Variants in CERK observed in about 807,000 individuals in gnomAD.
CERK encodes the protein ceramide kinase.
CERK carries 39 observed loss-of-function variants against 63.4 expected under a neutral mutation model. The observed-to-expected ratio is 0.61, with a 90% confidence interval of 0.48 to 0.80. The LOEUF (loss-of-function observed/expected upper bound fraction) is 0.80, where lower values mean the gene tolerates loss of function less well. CERK is among the 30% of genes least tolerant of loss of function. The probability of loss-of-function intolerance (pLI) is 0.00; values close to 1 mark genes in which losing one functional copy is unlikely to be tolerated. For synonymous variants in CERK, 302 were observed against 280.0 expected (o/e 1.08, Z -0.78); for missense variants, 670 against 714.1 (o/e 0.94, Z 0.70).
chr22:46,738,230 CCGGGCGG>C lies in CERK; in HGVS notation c.-89_-83del, dbSNP rs1051839122. ...GACCGTTAGCGGCCCCTGCAGTGGCCCGGGCGGCGGGCGGCGGGCGGCGGGAGGCGGC... is the reference window on the plus strand; with the variant it reads ...GACCGTTAGCGGCCCCTGCAGTGGCCCGGGCGGCGGGCGGCGGGAGGCGGC... On this transcript the variant is annotated 5_prime_UTR_variant, in exon 1 of 13. Transcript: ENST00000216264. 77 of 513,532 alleles carry C rather than the reference CCGGGCGG, an allele frequency of 1.5e-4. 1 individual carries two copies. The Middle Eastern group carries it at 2.7e-3, about 18-fold the overall frequency. The allele number at this position is 513,532 out of a possible 1,614,324, so 31.8% of individuals were successfully genotyped here.
Position 46,713,945 on chromosome 22 carries a change from G to A in CERK, c.380-1652C>T, listed in dbSNP as rs137964723. 4.4e-3 allele frequency among the ~76,000 whole-genome samples: 669 copies of A among 152,142 alleles called. 5 individuals are homozygous for A. The highest frequency in any genetic ancestry group is 0.014 in the African/African-American group (591 of 41,496). On this transcript the variant is annotated intron_variant, in intron 3 of 12. Coordinates refer to ENST00000216264, the MANE Select transcript of CERK (RefSeq NM_022766.6). ...ACAGGAGTTCAAGACCAGCCAGGGCGATATAGTGAGACTCTGTCTCGACAA... is the reference window on the plus strand; with the variant it reads ...ACAGGAGTTCAAGACCAGCCAGGGCAATATAGTGAGACTCTGTCTCGACAA...
chr22:46,708,567 G>A (rs1326255754), intron 5 of CERK, among the ~76,000 whole-genome samples: 1 of 152,230 alleles, frequency 6.6e-6, no homozygotes, highest in Non-Finnish European at 1.5e-5. Context: ...AATAAATGCG[G>A]ACAAAATGGG....
intron 6 of CERK, among the ~76,000 whole-genome samples, chr22:46,706,981 TG>T (rs1185379938): frequency 6.6e-6 from 1 of 151,642 alleles, no homozygotes; most frequent in African/African-American, 2.4e-5. Flanking sequence ...ACAGAGAAGG[TG>T]GCTCAGGGCC....
intron 1 of CERK, among the ~76,000 whole-genome samples, chr22:46,726,133 G>A (rs191049362): frequency 2.6e-5 from 4 of 152,250 alleles, no homozygotes; most frequent in South Asian, 2.1e-4. Context: ...GTGTGGGCAC[G>A]CTCATGGCAG....
Position 46,691,668 on chromosome 22 carries a change from G to T in CERK, c.1236C>A (p.His412Gln). 6.2e-7 allele frequency: 1 copy of T among 1,614,004 alleles called. No individual in the cohort carries two copies. Among genetic ancestry groups the T allele is most frequent in the South Asian group, 1.1e-5 (1 of 91,088 alleles). ...TGAGGTCAGAAGACCCGTCTCCCAAGTGGGCAGCCGGGGAGAGGCCCCTGG... is the reference window on the plus strand; with the variant it reads ...TGAGGTCAGAAGACCCGTCTCCCAATTGGGCAGCCGGGGAGAGGCCCCTGG... ...RSPRGLSPAA[H>Q]LGDGSSDLIL... Residue 412 changes from histidine (H) to glutamine (Q), a missense_variant, in exon 11 of 13, where the codon CAC becomes CAA. By Grantham distance (24) the His-to-Gln change is conservative. Transcript: ENST00000216264.
chr22:46,687,052 T>C lies in CERK; in HGVS notation c.*82A>G, dbSNP rs1291031388. On this transcript the variant is annotated 3_prime_UTR_variant, in exon 13 of 13. Transcript: ENST00000216264. ...AAAAATAAATTTCTACATTTAAATGTATATATCAACATAATTGGTCTGTAA... is the reference window on the plus strand; with the variant it reads ...AAAAATAAATTTCTACATTTAAATGCATATATCAACATAATTGGTCTGTAA... The C allele has an allele frequency of 5.6e-6, 6 of 1,077,116 alleles. No individual in the cohort carries two copies. Among genetic ancestry groups the C allele is most frequent in the Non-Finnish European group, 8.4e-6 (6 of 711,442 alleles). The allele number at this position is 1,077,116 out of a possible 1,614,324, so 66.7% of individuals were successfully genotyped here.
intron 1 of CERK, among the ~76,000 whole-genome samples, chr22:46,724,556 C>T (rs2082908336): frequency 6.6e-6 from 1 of 152,144 alleles, no homozygotes; most frequent in African/African-American, 2.4e-5. Flanking sequence ...GTGGCTTTGG[C>T]CTGTATCTGG....
intron 12 of CERK, among the ~76,000 whole-genome samples, 160 bp downstream of exon 12, chr22:46,689,832 G>A (rs367809973): frequency 2.6e-5 from 4 of 152,146 alleles, no homozygotes; most frequent in Admixed American, 6.5e-5. Flanking sequence ...CATCTCATTC[G>A]ATATTTGACA....
chr22:46,720,378 G>A (rs1169470580), intron 2 of CERK, among the ~76,000 whole-genome samples, 170 bp from the exon 3 acceptor site: 1 of 152,100 alleles, frequency 6.6e-6, no homozygotes, highest in Non-Finnish European at 1.5e-5. Flanking sequence ...AAAAACATCC[G>A]ATCTTTCAAA....
intron 6 of CERK, among the ~76,000 whole-genome samples, chr22:46,706,861 T>C (rs1370565726): frequency 6.6e-6 from 1 of 152,180 alleles, no homozygotes; most frequent in Admixed American, 6.5e-5. Flanking sequence ...ATTCACAAGC[T>C]CTGTCATTAA....
intron 1 of CERK, among the ~76,000 whole-genome samples, chr22:46,722,935 G>C (rs559324026): frequency 3.9e-5 from 6 of 152,216 alleles, no homozygotes; most frequent in Non-Finnish European, 5.9e-5. Flanking sequence ...AGGCGACGTA[G>C]GGGCAGGAGC....
chr22:46,709,735 G>A (rs1011313705), intron 5 of CERK, among the ~76,000 whole-genome samples: 2 of 152,178 alleles, frequency 1.3e-5, no homozygotes, highest in African/African-American at 2.4e-5. Context: ...AACTACAGGG[G>A]AATAGCTAAA....
At chr22:46,731,882 G>A (rs371970058) in intron 1 of CERK, among the ~76,000 whole-genome samples, 4 of 151,788 alleles carry the variant, frequency 2.6e-5, no homozygotes, top group Non-Finnish European at 4.4e-5. Context: ...ACGGGCCAAC[G>A]GCACTGGAGA....
At chr22:46,731,249 G>C (rs552730993) in intron 1 of CERK, among the ~76,000 whole-genome samples, 1 of 152,396 alleles carries the variant, frequency 6.6e-6, no homozygotes, top group East Asian at 1.9e-4. Context: ...GGCCTGGTGG[G>C]GAGACAGGGC....
intron 6 of CERK, among the ~76,000 whole-genome samples, chr22:46,702,177 CAAAA>C (rs135690): frequency 5.9e-5 from 5 of 84,154 alleles, no homozygotes; most frequent in African/African-American, 2.6e-4. Context: ...GACTTCGTCT[CAAAA>C]AAAAAAAAAA....
chr22:46,720,809 T>G, intron 2 of CERK, 93 bp downstream of exon 2: 8 of 777,202 alleles, frequency 1.0e-5, no homozygotes, highest in African/African-American at 1.7e-5. Flanking sequence ...ACCAATGCAT[T>G]GAGCTTGTTA....
rs1021282264 is a variant in CERK at position 46,686,947 on chromosome 22, C to G, written c.*187G>C. On this transcript the variant is annotated 3_prime_UTR_variant, in exon 13 of 13. Coordinates refer to ENST00000216264, the MANE Select transcript of CERK (RefSeq NM_022766.6). ...CGGCGTGGGCTGCAACCCGCAGATG[C>G]GTACAGAACTGAAAATGCCAAATAT... The G allele has an allele frequency of 1.7e-6, 1 of 574,576 alleles. No homozygotes were observed. Among genetic ancestry groups the G allele is most frequent in the Non-Finnish European group, 3.1e-6 (1 of 325,854 alleles). 35.6% of individuals were successfully genotyped at this position (574,576 alleles called of 1,614,324 possible). A position where few individuals can be genotyped will look rare whatever the true frequency, so the allele number is the denominator to read the frequency against.
Position 46,686,448 on chromosome 22 carries a change from C to T in CERK, c.*686G>A, listed in dbSNP as rs801719. 0.41 allele frequency: 62,194 copies of T among 152,236 alleles called. 13,565 individuals carry two copies. The highest frequency in any genetic ancestry group is 0.54 in the African/African-American group (22,576 of 41,474). 9.4% of individuals were successfully genotyped at this position (152,236 alleles called of 1,614,324 possible). A position where few individuals can be genotyped will look rare whatever the true frequency, so the allele number is the denominator to read the frequency against. ...CTGCCAGCTTCCAGAGCTTATCATC[C>T]GTGCTCCCAGAACAGACGCCAAGGT... On this transcript the variant is annotated 3_prime_UTR_variant, in exon 13 of 13. Coordinates refer to ENST00000216264, the MANE Select transcript of CERK (RefSeq NM_022766.6).
intron 1 of CERK, among the ~76,000 whole-genome samples, chr22:46,736,908 C>T (rs2082976717): frequency 6.6e-6 from 1 of 152,350 alleles, no homozygotes. Context: ...CGAATATCCA[C>T]CAGAGAATCT....
Sources: gnomAD v4.1 joint callset for allele counts (sites outside exome capture counted in the v4.1 genomes callset) on GRCh38, gnomAD v4.1.1 for gene constraint, MANE v1.5 for transcripts, NCBI Gene and HGNC (gene_info 2026-07-23, HGNC 2026-07-21) for gene names.